RIPOR3: variants seen among roughly 807,000 people sequenced by gnomAD.
RIPOR3 encodes the protein RIPOR family member 3.
RIPOR3 carries 95 observed loss-of-function variants against 114.3 expected under a neutral mutation model. That is an observed-to-expected ratio of 0.83 (90% CI 0.70 to 0.99). The LOEUF (loss-of-function observed/expected upper bound fraction) is 0.99, where lower values mean the gene tolerates loss of function less well. Ranked by LOEUF, RIPOR3 falls within the 50% of genes least tolerant of loss-of-function variation. RIPOR3 has a pLI of 0.00. For synonymous variants in RIPOR3, 575 were observed against 543.8 expected, an observed-to-expected ratio of 1.06 and a Z score of -0.80; for missense variants, 1,252 against 1,266.9, an observed-to-expected ratio of 0.99 and a Z score of 0.18.
At chr20:50,658,344 C>T (rs957077671) in intron 1 of RIPOR3, among the ~76,000 whole-genome samples, 49 of 152,180 alleles carry the variant, frequency 3.2e-4, no homozygotes, top group Admixed American at 3.1e-3. Flanking sequence ...ATATGCCCAT[C>T]ACACAAGGAC....
chr20:50,660,850 G>A lies in RIPOR3; in HGVS notation c.4-29994C>T, dbSNP rs1270583750. 5.4e-5 allele frequency among the ~76,000 whole-genome samples: 8 copies of A among 148,526 alleles called. No homozygotes were observed. The Admixed American group carries it at 5.4e-4, about 10-fold the overall frequency. On this transcript the variant is annotated intron_variant, in intron 1 of 21. Coordinates refer to ENST00000327979, the MANE Select transcript of RIPOR3 (RefSeq NM_001290268.2). ...GCTCACTGTAGGCTCGACCTCCTGG[G>A]CTCAAGGGATCCTCCCACCTCAGCA...
chr20:50,667,286 C>CT (rs139859156), intron 1 of RIPOR3, among the ~76,000 whole-genome samples: 1,581 of 67,460 alleles, frequency 0.023, 45 homozygotes, highest in African/African-American at 0.041. Flanking sequence ...CTTTAAACTA[C>CT]TTTTTTTTTT....
In RIPOR3 at chr20:50,630,827, G is replaced by C. The variant is rs2084796086; in HGVS notation, c.33C>G (p.Phe11Leu). ...CGGCCCCTGTGTCCCCAGGGGACAG[G>C]AACCGCAACCTCACCGACATGGTGG... MVTTMSVRLR[F>L]LSPGDTGAVG... The change falls in exon 2 of 22, where the codon TTC becomes TTG. Residue 11 changes from phenylalanine to leucine, a missense_variant. Coordinates refer to ENST00000327979, the MANE Select transcript of RIPOR3 (RefSeq NM_001290268.2). 1 of 1,608,750 alleles carries C rather than the reference G, an allele frequency of 6.2e-7. No homozygotes were observed. The highest frequency in any genetic ancestry group is 1.1e-5 in the South Asian group (1 of 90,070).
chr20:50,677,894 T>C (rs111884193), intron 1 of RIPOR3, among the ~76,000 whole-genome samples: 8,986 of 144,326 alleles, frequency 0.062, 331 homozygotes, highest in South Asian at 0.12. Context: ...TGTCTTGAAC[T>C]CCTAACCTCA....
intron 1 of RIPOR3, among the ~76,000 whole-genome samples, chr20:50,672,232 T>C (rs935111791): frequency 6.6e-6 from 1 of 152,070 alleles, no homozygotes; most frequent in Admixed American, 6.5e-5. Flanking sequence ...AAGGTGAAGC[T>C]CTACCTCCGT....
intron 11 of RIPOR3, among the ~76,000 whole-genome samples, chr20:50,605,752 T>G (rs1407091740): frequency 6.8e-6 from 1 of 147,240 alleles, no homozygotes; most frequent in Non-Finnish European, 1.5e-5. Context: ...CTCTCCAGTC[T>G]GGGGCAACAG....
chr20:50,606,686 C>T (rs1055132222), intron 11 of RIPOR3, among the ~76,000 whole-genome samples: 1 of 151,794 alleles, frequency 6.6e-6, no homozygotes, highest in African/African-American at 2.4e-5. Context: ...CCTTGAGCCA[C>T]ATGCTCGGGC....
At chr20:50,611,247 C>G in intron 4 of RIPOR3, 43 bp from the exon 5 acceptor site, 1 of 1,613,766 alleles carries the variant, frequency 6.2e-7, no homozygotes, top group Non-Finnish European at 8.5e-7. Flanking sequence ...GTCAGAGTCC[C>G]ACATGTTCCT....
chr20:50,638,568 C>T (rs921939301), intron 1 of RIPOR3, among the ~76,000 whole-genome samples: 8 of 152,172 alleles, frequency 5.3e-5, no homozygotes, highest in Non-Finnish European at 8.8e-5. Context: ...GAAGACAAAG[C>T]CTCTCTTTGG....
At chr20:50,636,484 T>A (rs558862994) in intron 1 of RIPOR3, 955 of 936,860 alleles carry the variant, frequency 1.0e-3, no homozygotes, top group Non-Finnish European at 1.2e-3. Context: ...AGGGCAGCCC[T>A]GGGTAACCAG....
chr20:50,649,579 T>G (rs768130370), intron 1 of RIPOR3, among the ~76,000 whole-genome samples: 2 of 152,182 alleles, frequency 1.3e-5, no homozygotes, highest in African/African-American at 2.4e-5. Flanking sequence ...TGGCCCAGCC[T>G]GCCTGTCCCC....
chr20:50,634,044 C>T (rs1198889332), intron 1 of RIPOR3, among the ~76,000 whole-genome samples: 1 of 147,336 alleles, frequency 6.8e-6, no homozygotes, highest in South Asian at 2.1e-4. Context: ...TGCAGTGACA[C>T]GATCTCAGCT....
chr20:50,689,269 C>T (rs2087130071), intron 1 of RIPOR3, among the ~76,000 whole-genome samples: 1 of 151,166 alleles, frequency 6.6e-6, no homozygotes, highest in Admixed American at 6.6e-5. Flanking sequence ...TCTCCCTCCC[C>T]AGTTCAAGTG....
At position 50,597,599 on chromosome 20, in the gene RIPOR3, C is replaced by A; in HGVS notation, c.1771G>T (p.Gly591Trp). 1 of 1,608,504 alleles carries A rather than the reference C, an allele frequency of 6.2e-7. No homozygotes were observed. The highest frequency in any genetic ancestry group is 8.5e-7 in the Non-Finnish European group (1 of 1,177,498). The change falls in exon 14 of 22, where the codon GGG (glycine) becomes TGG (tryptophan). Residue 591 changes from glycine to tryptophan, a missense_variant. Transcript: ENST00000327979. Reference protein sequence around the residue: ...DFALDELSLFGGSQGLRKDRP... With the variant: ...DFALDELSLFWGSQGLRKDRP... ...ACTCACCGGAGACCCTGGGAGCCCC[C>A]AAACAGGGACAGCTCATCCAGGGCG...
At chr20:50,594,513 C>T in intron 17 of RIPOR3, 40 bp downstream of exon 17, 1 of 1,595,706 alleles carries the variant, frequency 6.3e-7, no homozygotes, top group Non-Finnish European at 8.6e-7. Context: ...TCAATACAGC[C>T]TTTCTGTGGG....
chr20:50,601,979 G>A (rs2083510597), intron 13 of RIPOR3, 93 bp downstream of exon 13: 1 of 1,268,654 alleles, frequency 7.9e-7, no homozygotes, highest in Non-Finnish European at 1.1e-6. Context: ...AGGCCAGGAT[G>A]TCGGCCCAGG....
intron 5 of RIPOR3, 64 bp from the exon 6 acceptor site, chr20:50,610,970 C>T: frequency 6.2e-7 from 1 of 1,608,086 alleles, no homozygotes; most frequent in Non-Finnish European, 8.5e-7. Context: ...CCCCGCTTGC[C>T]CCTGCCACCC....
In RIPOR3 at chr20:50,595,360, G is replaced by A; in HGVS notation, c.2050+9C>T. ...ATAGGCAGCCCCTGGGTGGCAGGCA[G>A]CTACTTACTCTCTTCAATGGATGTT... On this transcript the variant is annotated intron_variant, in intron 16 of 21. Coordinates refer to ENST00000327979, the MANE Select transcript of RIPOR3 (RefSeq NM_001290268.2). The A allele has an allele frequency of 1.2e-6, 2 of 1,610,186 alleles. No homozygotes were observed. The highest frequency in any genetic ancestry group is 1.7e-6 in the Non-Finnish European group (2 of 1,176,868).
chr20:50,654,816 A>G (rs2123423196), intron 1 of RIPOR3, among the ~76,000 whole-genome samples: 1 of 151,966 alleles, frequency 6.6e-6, no homozygotes, highest in African/African-American at 2.4e-5. Flanking sequence ...TGCCATCACC[A>G]CTCACTGCAG....
Sources: allele counts gnomAD v4.1 joint callset (sites outside exome capture counted in the v4.1 genomes callset), GRCh38; gene constraint gnomAD v4.1.1; transcripts MANE v1.5; gene names NCBI Gene and HGNC (gene_info 2026-07-23, HGNC 2026-07-21).